FAM20A: variants seen among roughly 807,000 people sequenced by gnomAD.
FAM20A encodes FAM20A golgi associated secretory pathway pseudokinase.
FAM20A carries 42 observed loss-of-function variants against 52.0 expected under a neutral mutation model. The ratio of observed to expected loss-of-function variants is 0.81; its 90% confidence interval spans 0.63 to 1.04. FAM20A has a LOEUF of 1.04. FAM20A is among the 50% of genes least tolerant of loss of function. The pLI, the probability that FAM20A is intolerant of heterozygous loss-of-function variation, is 0.00. For synonymous variants in FAM20A, 304 were observed against 298.9 expected, an observed-to-expected ratio of 1.02 and a Z score of -0.18; for missense variants, 742 against 712.7, an observed-to-expected ratio of 1.04 and a Z score of -0.47.
intron 1 of FAM20A, among the ~76,000 whole-genome samples, chr17:68,592,334 C>A: frequency 6.6e-6 from 1 of 152,076 alleles, no homozygotes; most frequent in East Asian, 1.9e-4. Flanking sequence ...ACATACTTTC[C>A]CTATGGGATT....
intron 1 of FAM20A, among the ~76,000 whole-genome samples, chr17:68,560,664 A>C (rs1362723542): frequency 6.6e-6 from 1 of 152,200 alleles, no homozygotes; most frequent in African/African-American, 2.4e-5. Flanking sequence ...GACGTTCTGC[A>C]TGTGTGAGAG....
At chr17:68,543,594 A>C (rs772245726) in intron 5 of FAM20A, 35 bp downstream of exon 5, 1 of 1,590,324 alleles carries the variant, frequency 6.3e-7, no homozygotes, top group Non-Finnish European at 8.6e-7. Context: ...ATTGGTCCTT[A>C]TAGGCAATGC....
intron 1 of FAM20A, among the ~76,000 whole-genome samples, chr17:68,588,302 G>A (rs1177959064): frequency 6.6e-6 from 1 of 152,158 alleles, no homozygotes; most frequent in Non-Finnish European, 1.5e-5. Context: ...GGAAGGAAAG[G>A]CCAAGAGGCC....
chr17:68,537,524 C>A lies in FAM20A; in HGVS notation c.1579G>T (p.Val527Leu). The change falls in exon 11 of 11, where the codon GTG becomes TTG. Residue 527 changes from valine to leucine, a missense_variant. Transcript: ENST00000592554. The surrounding 1 kb of genome is among the most constrained non-coding windows in gnomAD (Gnocchi z 4.2). Reference protein sequence around the residue: ...GQQSVIVDGPVEQLAPDSGQA... With the variant: ...GQQSVIVDGPLEQLAPDSGQA... ...CCAGAGTCTGGGGCCAACTGTTCCACTGGGCCGTCGACTATGACACTCTGC... is the reference window on the plus strand; with the variant it reads ...CCAGAGTCTGGGGCCAACTGTTCCAATGGGCCGTCGACTATGACACTCTGC... 6.2e-7 allele frequency: 1 copy of A among 1,613,896 alleles called. No individual in the cohort carries two copies.
chr17:68,579,524 T>G (rs16973061), intron 1 of FAM20A, among the ~76,000 whole-genome samples: 1 of 152,150 alleles, frequency 6.6e-6, no homozygotes, highest in African/African-American at 2.4e-5. Flanking sequence ...GTTACTTTGA[T>G]TTTTGAGTTT....
intron 4 of FAM20A, among the ~76,000 whole-genome samples, chr17:68,545,886 T>C (rs1036777348): frequency 2.6e-5 from 4 of 152,168 alleles, no homozygotes; most frequent in African/African-American, 9.7e-5. Context: ...CCACTCCTTA[T>C]TGGTCGGGTG....
At chr17:68,591,231 C>G (rs2088298025) in intron 1 of FAM20A, among the ~76,000 whole-genome samples, 1 of 152,236 alleles carries the variant, frequency 6.6e-6, no homozygotes, top group South Asian at 2.1e-4. Flanking sequence ...CTCAGCCTCC[C>G]GAGTAGCTGG....
intron 7 of FAM20A, 101 bp downstream of exon 7, chr17:68,541,884 G>T: frequency 7.2e-7 from 1 of 1,385,374 alleles, no homozygotes; most frequent in Non-Finnish European, 9.9e-7. Flanking sequence ...GAGTATTGAG[G>T]CAGCTTTTCA....
chr17:68,543,343 G>T (rs941866908), intron 5 of FAM20A, among the ~76,000 whole-genome samples: 3 of 152,102 alleles, frequency 2.0e-5, no homozygotes, highest in African/African-American at 7.2e-5. Flanking sequence ...CATTCTCCTC[G>T]CTCTCAGATC....
chr17:68,599,363 C>T (rs1014997254), intron 1 of FAM20A, among the ~76,000 whole-genome samples: 2 of 152,196 alleles, frequency 1.3e-5, no homozygotes, highest in Non-Finnish European at 2.9e-5. Context: ...TTAACTCATA[C>T]GAAGGCTTCC....
chr17:68,580,758 T>A lies in FAM20A; in HGVS notation c.404+19505A>T, dbSNP rs78159051. Among the ~76,000 whole-genome samples the A allele has an allele frequency of 8.1e-3, 1,227 of 152,340 alleles. 17 individuals carry two copies. The highest frequency in any genetic ancestry group is 0.028 in the African/African-American group (1,173 of 41,562). ...GGAAAATAGCTAACTACCTCTTATG[T>A]GGCACTCACATGGGGCCAGGCAGTT... On this transcript the variant is annotated intron_variant, in intron 1 of 10. Transcript: ENST00000592554.
intron 1 of FAM20A, among the ~76,000 whole-genome samples, chr17:68,593,010 C>T (rs986009947): frequency 2.6e-5 from 4 of 152,244 alleles, no homozygotes; most frequent in African/African-American, 9.6e-5. Context: ...AAACTCAGTT[C>T]TGTCCTGATT....
intron 1 of FAM20A, among the ~76,000 whole-genome samples, chr17:68,586,680 C>G (rs1053551725): frequency 6.6e-6 from 1 of 152,230 alleles, no homozygotes. Flanking sequence ...CTCTGGATGG[C>G]GTGCTGCCCT....
At position 68,600,535 on chromosome 17, in the gene FAM20A, G is replaced by T; in HGVS notation, c.132C>A (p.Cys44Ter). The stretch of plus-strand genomic sequence containing the variant: ...GGGAGGAGGCGCGGCCGGTGCACGG[G>T]CACCCCCGCGGGCGCTCCCGAGGCC... ...QLRPRERPRGCPCTGRASSLA... is the reference protein window; with the variant it reads ...QLRPRERPRG The change falls in exon 1 of 11, where the codon TGC becomes TGA. Residue 44 changes from cysteine to a stop codon, truncating the protein, a stop_gained. Transcript: ENST00000592554. LOFTEE classifies it high-confidence loss of function. This position sits in a 1 kb window ranked among gnomAD's most constrained non-coding sequence, Gnocchi z 6.2. 6.4e-7 allele frequency: 1 copy of T among 1,562,538 alleles called. No individual in the cohort carries two copies. Among genetic ancestry groups the T allele is most frequent in the Non-Finnish European group, 8.7e-7 (1 of 1,154,212 alleles).
intron 1 of FAM20A, among the ~76,000 whole-genome samples, chr17:68,567,005 C>T (rs184341158): frequency 5.9e-5 from 9 of 152,278 alleles, no homozygotes; most frequent in Admixed American, 2.6e-4. Flanking sequence ...TCTGTTCTGG[C>T]TTTTTTCTTT....
chr17:68,563,849 A>C (rs1339237078), intron 1 of FAM20A, among the ~76,000 whole-genome samples: 2 of 152,186 alleles, frequency 1.3e-5, no homozygotes, highest in Non-Finnish European at 2.9e-5. Context: ...CTCTAGCATT[A>C]ACCTTTCTTT....
chr17:68,540,844 C>T lies in FAM20A; in HGVS notation c.1219+5G>A. 2 of 1,593,644 alleles carry T rather than the reference C, an allele frequency of 1.3e-6. No individual in the cohort carries two copies. Among genetic ancestry groups the T allele is most frequent in the Non-Finnish European group, 1.7e-6 (2 of 1,169,234 alleles). On this transcript the variant is annotated splice_donor_5th_base_variant and intron_variant, in intron 8 of 10. Transcript: ENST00000592554. ...TCTGCTGGGGGCCTGCGTGTGGGGA[C>T]CTACCTATCAAGAAGTCGAAGATGG...
At chr17:68,583,727 C>A (rs1276630391) in intron 1 of FAM20A, among the ~76,000 whole-genome samples, 2 of 151,880 alleles carry the variant, frequency 1.3e-5, no homozygotes, top group Non-Finnish European at 2.9e-5. Context: ...CACAGTGAAA[C>A]CCTGTCTCTA....
chr17:68,546,722 C>T (rs1331783551), intron 4 of FAM20A, among the ~76,000 whole-genome samples: 5 of 147,916 alleles, frequency 3.4e-5, no homozygotes, highest in East Asian at 4.1e-4. Flanking sequence ...CCCAGCCACT[C>T]GGGAGGCTGA....
Sources: gnomAD v4.1 joint callset for allele counts (sites outside exome capture counted in the v4.1 genomes callset) on GRCh38, gnomAD v4.1.1 for gene constraint, Gnocchi (gnomAD v3.1) non-coding constraint, MANE v1.5 for transcripts, NCBI Gene and HGNC (gene_info 2026-07-23, HGNC 2026-07-21) for gene names.